The following HAPLN1 variants were observed in gnomAD, a reference collection of about 807,000 sequenced individuals.
HAPLN1 encodes the protein Cartilage link protein.
HAPLN1 carries 13 observed loss-of-function variants against 36.5 expected under a neutral mutation model. That is an observed-to-expected ratio of 0.36 (90% CI 0.23 to 0.57). The LOEUF (loss-of-function observed/expected upper bound fraction) is 0.57. HAPLN1 is among the 20% of genes least tolerant of loss of function. The pLI, the probability that HAPLN1 is intolerant of heterozygous loss-of-function variation, is 0.83. For missense variants in HAPLN1, 407 were observed against 439.7 expected, an observed-to-expected ratio of 0.93 and a Z score of 0.66; for synonymous variants, 202 against 169.8, an observed-to-expected ratio of 1.19 and a Z score of -1.48.
At chr5:83,659,455 C>T (rs950845619) in intron 2 of HAPLN1, among the ~76,000 whole-genome samples, 3 of 152,080 alleles carry the variant, frequency 2.0e-5, no homozygotes, top group South Asian at 2.1e-4. Flanking sequence ...AACTAACAGC[C>T]TTGGTAGACT....
intron 1 of HAPLN1, chr5:83,674,056 T>G (rs1197784797): frequency 6.5e-6 from 1 of 152,900 alleles, no homozygotes; most frequent in African/African-American, 2.4e-5. Context: ...TAGACTTGCT[T>G]GTTCCAAATA....
chr5:83,641,475 T>C lies in HAPLN1; in HGVS notation c.*21A>G, dbSNP rs764005652. 8 of 1,553,692 alleles carry C rather than the reference T, an allele frequency of 5.1e-6. No individual in the cohort carries two copies. The Admixed American group carries it at 1.6e-4, about 31-fold the overall frequency. ...CACATGTTCTTAATGACTTTAAAAC[T>C]GATGCGCTCTAAGGGCACATTCAGT... On this transcript the variant is annotated 3_prime_UTR_variant, in exon 5 of 5. Transcript: ENST00000274341.
chr5:83,656,457 G>A (rs1056976929), intron 2 of HAPLN1, among the ~76,000 whole-genome samples: 1 of 149,486 alleles, frequency 6.7e-6, no homozygotes, highest in Non-Finnish European at 1.5e-5. Context: ...AAAACAACAT[G>A]GCAAAATAAA....
chr5:83,715,355 A>G (rs995565896), intron 1 of HAPLN1, among the ~76,000 whole-genome samples: 10 of 152,320 alleles, frequency 6.6e-5, no homozygotes, highest in African/African-American at 2.4e-4. Flanking sequence ...ATGCAGGGGT[A>G]GAGAGCAGGA....
At chr5:83,680,979 T>C (rs1272430081) in intron 1 of HAPLN1, among the ~76,000 whole-genome samples, 1 of 152,200 alleles carries the variant, frequency 6.6e-6, no homozygotes, top group Non-Finnish European at 1.5e-5. Context: ...CATGATATAT[T>C]GGCTTTATAA....
At chr5:83,680,888 C>G (rs2112608467) in intron 1 of HAPLN1, among the ~76,000 whole-genome samples, 1 of 152,232 alleles carries the variant, frequency 6.6e-6, no homozygotes, top group African/African-American at 2.4e-5. Flanking sequence ...ATAATTAAAT[C>G]TGTCAGAATA....
intron 3 of HAPLN1, 84 bp from the exon 4 acceptor site, chr5:83,644,749 T>C: frequency 1.0e-6 from 1 of 983,364 alleles, no homozygotes; most frequent in South Asian, 3.4e-5. Context: ...GTGAAAAACC[T>C]AACAGACCCT....
At chr5:83,676,633 G>A (rs1292019784) in intron 1 of HAPLN1, among the ~76,000 whole-genome samples, 2 of 152,150 alleles carry the variant, frequency 1.3e-5, no homozygotes, top group African/African-American at 4.8e-5. Flanking sequence ...ATAAATCTGA[G>A]TCCTGCTTGT....
At chr5:83,662,150 C>G (rs888463710) in intron 2 of HAPLN1, among the ~76,000 whole-genome samples, 14 of 151,198 alleles carry the variant, frequency 9.3e-5, no homozygotes, top group African/African-American at 2.9e-4. Context: ...TGATCTGCCC[C>G]CCTCGGCCTC....
intron 2 of HAPLN1, among the ~76,000 whole-genome samples, chr5:83,664,634 C>T (rs191548969): frequency 5.9e-5 from 9 of 152,242 alleles, no homozygotes; most frequent in South Asian, 4.1e-4. Flanking sequence ...CTGCTCCCCT[C>T]GGCCTCCCAA....
chr5:83,720,245 T>A (rs989948085), intron 1 of HAPLN1, among the ~76,000 whole-genome samples: 11 of 152,228 alleles, frequency 7.2e-5, no homozygotes, highest in Non-Finnish European at 1.6e-4. Context: ...TGATCTTAAG[T>A]TCATAATTAG....
chr5:83,710,915 C>A (rs888118247), intron 1 of HAPLN1, among the ~76,000 whole-genome samples: 2 of 151,870 alleles, frequency 1.3e-5, no homozygotes, highest in Non-Finnish European at 2.9e-5. Flanking sequence ...CACGCCATGG[C>A]ACTCCAGCCT....
Position 83,644,552 on chromosome 5 carries a change from C to A in HAPLN1, c.586G>T (p.Asp196Tyr), listed in dbSNP as rs143710016. The A allele has an allele frequency of 6.2e-7, 1 of 1,603,906 alleles. No homozygotes were observed. Among genetic ancestry groups the A allele is most frequent in the Non-Finnish European group, 8.5e-7 (1 of 1,175,558 alleles). The change falls in exon 4 of 5, where the codon GAC becomes TAC. Residue 196 changes from aspartate to tyrosine, a missense_variant. Coordinates refer to ENST00000274341, the MANE Select transcript of HAPLN1 (RefSeq NM_001884.4). The part of the protein sequence containing the change: ...AVIASFDQLY[D>Y]AWRGGLDWCN... ...CAGTCCAGCCCGCCCCGCCAGGCGT[C>A]GTACAGCTGGTCGAAGGAGGCGATC...
At chr5:83,702,877 A>G (rs776906662) in intron 1 of HAPLN1, among the ~76,000 whole-genome samples, 3 of 152,026 alleles carry the variant, frequency 2.0e-5, no homozygotes, top group Non-Finnish European at 4.4e-5. Context: ...ACACTTGACT[A>G]ATTTTTGCAT....
At chr5:83,691,232 C>T (rs532260544) in intron 1 of HAPLN1, among the ~76,000 whole-genome samples, 5 of 152,022 alleles carry the variant, frequency 3.3e-5, no homozygotes, top group South Asian at 4.1e-4. Flanking sequence ...TGAAAATTGA[C>T]GGTTCCTAGA....
chr5:83,654,141 C>T (rs1430732210), intron 2 of HAPLN1, among the ~76,000 whole-genome samples: 3 of 152,174 alleles, frequency 2.0e-5, no homozygotes, highest in African/African-American at 7.2e-5. Flanking sequence ...AAAAAATAGA[C>T]ACAGCATCTC....
intron 1 of HAPLN1, among the ~76,000 whole-genome samples, chr5:83,699,914 T>C (rs1178979359): frequency 6.6e-6 from 1 of 152,102 alleles, no homozygotes; most frequent in South Asian, 2.1e-4. Flanking sequence ...AATTGTTTTA[T>C]TTAAAAACTA....
In HAPLN1 at chr5:83,641,663, C is replaced by A. The variant is rs769791026; in HGVS notation, c.898G>T (p.Gly300Ter). The A allele has an allele frequency of 6.2e-7, 1 of 1,614,070 alleles. No individual in the cohort carries two copies. The highest frequency in any genetic ancestry group is 1.7e-5 in the Admixed American group (1 of 60,004). ...GQIFAAWKIL[G>*]YDRCDAGWLA... Reference sequence around the variant, plus strand: ...CAGCCCGCATCACAGCGGTCATATCCGAGAATTTTCCAGGCAGCAAATATC... The same window carrying A: ...CAGCCCGCATCACAGCGGTCATATCAGAGAATTTTCCAGGCAGCAAATATC... Residue 300 changes from glycine to a stop codon, truncating the protein, a stop_gained, in exon 5 of 5, where the codon GGA (glycine) becomes TGA (stop). Transcript: ENST00000274341. LOFTEE classifies it high-confidence loss of function.
Position 83,652,639 on chromosome 5 carries a change from C to G in HAPLN1, c.286G>C (p.Val96Leu). The change falls in exon 3 of 5, where the codon GTT (valine) becomes CTT (leucine). Residue 96 changes from valine (V) to leucine (L), a missense_variant. By Grantham distance (32) the Val-to-Leu change is conservative. Transcript: ENST00000274341. ...GTTTTTTTGTGGTATCCCATGGAAACAAAAACATCCACTTCCTTGAGGTAA... is the reference window on the plus strand; with the variant it reads ...GTTTTTTTGTGGTATCCCATGGAAAGAAAAACATCCACTTCCTTGAGGTAA... ...SDYLKEVDVF[V>L]SMGYHKKTYG... is the part of the protein sequence containing the mutation. 6.2e-7 allele frequency: 1 copy of G among 1,614,088 alleles called. No homozygotes were observed. Among genetic ancestry groups the G allele is most frequent in the South Asian group, 1.1e-5 (1 of 91,078 alleles).
Sources: gnomAD v4.1 joint callset for allele counts (sites outside exome capture counted in the v4.1 genomes callset) on GRCh38, gnomAD v4.1.1 for gene constraint, MANE v1.5 for transcripts, NCBI Gene and HGNC (gene_info 2026-07-23, HGNC 2026-07-21) for gene names.